Variants in GSDME observed in about 807,000 individuals in gnomAD.
GSDME encodes the protein gasdermin E.
In GSDME, 44 loss-of-function variants were observed where a neutral mutation model predicts 47.5. The observed-to-expected ratio is 0.93, with a 90% CI of 0.73 to 1.19. GSDME has a LOEUF of 1.19. Ranked by LOEUF, GSDME falls within the 50% of genes most tolerant of loss-of-function variation. The pLI, the probability that GSDME is intolerant of heterozygous loss-of-function variation, is 0.00. For missense variants in GSDME, 663 were observed against 604.2 expected (o/e 1.10, Z -1.02); for synonymous variants, 258 against 252.8 (o/e 1.02, Z -0.20).
chr7:24,718,917 C>T (rs527678262), intron 4 of GSDME, 130 bp downstream of exon 4: 20 of 1,037,362 alleles, frequency 1.9e-5, no homozygotes, highest in African/African-American at 1.1e-4. Flanking sequence ...TTTAAGACAA[C>T]GTGAGTTGGG....
the GSDME span, among the ~76,000 whole-genome samples, chr7:24,764,319 T>C: frequency 6.6e-6 from 1 of 152,236 alleles, no homozygotes; most frequent in Non-Finnish European, 1.5e-5. The surrounding 1 kb of genome is among the most constrained non-coding windows in gnomAD (Gnocchi z 4.4). Context: ...TCTGTCACCT[T>C]AGGCACCTGT....
At chr7:24,779,037 A>C in the GSDME span, among the ~76,000 whole-genome samples, 40,432 of 152,060 alleles carry the variant, frequency 0.27, 5,484 homozygotes, top group East Asian at 0.43. This position sits in a 1 kb window ranked among gnomAD's most constrained non-coding sequence, Gnocchi z 6.0. Flanking sequence ...GCCTCAGCTG[A>C]GTGGACTGGA....
chr7:24,731,358 A>G (rs1413369423), intron 3 of GSDME, among the ~76,000 whole-genome samples: 1 of 152,218 alleles, frequency 6.6e-6, no homozygotes, highest in Non-Finnish European at 1.5e-5. Context: ...CACGGGTTGC[A>G]TGCAAGAACC....
In GSDME at chr7:24,716,419, A is replaced by G. The variant is rs1789555312; in HGVS notation, c.697+835T>C. ...CTCAAAGATAGGATGACTCATTTTT[A>G]TAAATATAACTATAATACCATTGTC... On this transcript the variant is annotated intron_variant, in intron 5 of 9. Coordinates refer to ENST00000645220, the MANE Select transcript of GSDME (RefSeq NM_001127453.2). This position sits in a 1 kb window ranked among gnomAD's most constrained non-coding sequence, Gnocchi z 4.5. 1.3e-5 allele frequency: 2 copies of G among 152,272 alleles called. No individual in the cohort carries two copies. The highest frequency in any genetic ancestry group is 2.9e-5 in the Non-Finnish European group (2 of 68,072). The allele number at this position is 152,272 out of a possible 1,614,324, so 9.4% of individuals were successfully genotyped here. A position where few individuals can be genotyped will look rare whatever the true frequency, so the allele number is the denominator to read the frequency against.
chr7:24,710,413 G>C, intron 5 of GSDME, 25 bp from the exon 6 acceptor site: 2 of 1,613,810 alleles, frequency 1.2e-6, no homozygotes, highest in South Asian at 2.2e-5. Flanking sequence ...AAAAGGACAA[G>C]TTAGGTAAAG....
intron 3 of GSDME, among the ~76,000 whole-genome samples, chr7:24,743,164 C>T (rs997636334): frequency 1.3e-5 from 2 of 152,200 alleles, no homozygotes; most frequent in Non-Finnish European, 2.9e-5. Flanking sequence ...CCCAGGCACC[C>T]TCAATGTCTG....
chr7:24,717,924 T>A (rs909413096), intron 4 of GSDME, among the ~76,000 whole-genome samples: 2 of 152,110 alleles, frequency 1.3e-5, no homozygotes, highest in Non-Finnish European at 2.9e-5. Flanking sequence ...CTTTAAACAC[T>A]CTCACAAACA....
chr7:24,705,999 G>T lies in GSDME; in HGVS notation c.1183+185C>A. On this transcript the variant is annotated intron_variant, in intron 8 of 9. Coordinates refer to ENST00000645220, the MANE Select transcript of GSDME (RefSeq NM_001127453.2). The surrounding 1 kb of genome is among the most constrained non-coding windows in gnomAD (Gnocchi z 4.1). Reference sequence around the variant, plus strand: ...GGCTTGTGCTGGATGGAAAGGCACAGACTCGAGACCGAAGGGGGGTTTCCC... The same window carrying T: ...GGCTTGTGCTGGATGGAAAGGCACATACTCGAGACCGAAGGGGGGTTTCCC... The T allele has an allele frequency of 1.4e-6, 1 of 706,730 alleles. No individual in the cohort carries two copies. The highest frequency in any genetic ancestry group is 2.4e-6 in the Non-Finnish European group (1 of 418,796). 43.8% of individuals were successfully genotyped at this position (706,730 alleles called of 1,614,324 possible).
chr7:24,736,422 CAAAG>C lies in GSDME; in HGVS notation c.404+8136_404+8139del, dbSNP rs1178892183. 2.0e-5 allele frequency among the ~76,000 whole-genome samples: 3 copies of C among 151,946 alleles called. No individual in the cohort carries two copies. The highest frequency in any genetic ancestry group is 4.8e-5 in the African/African-American group (2 of 41,364). ...TCAAGACAAAAACTATAAGAAGAGA[CAAAG>C]AAGGTTACTATATAATGATAAAGGG... is the stretch of plus-strand genomic sequence containing the variant. On this transcript the variant is annotated intron_variant, in intron 3 of 9. Coordinates refer to ENST00000645220, the MANE Select transcript of GSDME (RefSeq NM_001127453.2). This position sits in a 1 kb window ranked among gnomAD's most constrained non-coding sequence, Gnocchi z 4.6.
In GSDME at chr7:24,739,104, C is replaced by G. The variant is rs928379860; in HGVS notation, c.404+5458G>C. Among the ~76,000 whole-genome samples the G allele has an allele frequency of 6.6e-6, 1 of 152,068 alleles. No individual in the cohort carries two copies. The highest frequency in any genetic ancestry group is 2.1e-4 in the South Asian group (1 of 4,828). On this transcript the variant is annotated intron_variant, in intron 3 of 9. Coordinates refer to ENST00000645220, the MANE Select transcript of GSDME (RefSeq NM_001127453.2). This position sits in a 1 kb window ranked among gnomAD's most constrained non-coding sequence, Gnocchi z 5.1. Reference sequence around the variant, plus strand: ...TTTCTTGAGTAACATCCCACAGACACGAACCACTAAAGCAAAAATGGACAA... The same window carrying G: ...TTTCTTGAGTAACATCCCACAGACAGGAACCACTAAAGCAAAAATGGACAA...
chr7:24,714,772 C>T lies in GSDME; in HGVS notation c.697+2482G>A, dbSNP rs1048172085. 3.9e-5 allele frequency among the ~76,000 whole-genome samples: 6 copies of T among 152,206 alleles called. No homozygotes were observed. The highest frequency in any genetic ancestry group is 1.4e-4 in the African/African-American group (6 of 41,454). Reference sequence around the variant, plus strand: ...GAGCTGCGTCAGGGCAGGGTCTGGTCACCTCCTGGGACAAACAGGAGGAAG... The same window carrying T: ...GAGCTGCGTCAGGGCAGGGTCTGGTTACCTCCTGGGACAAACAGGAGGAAG... On this transcript the variant is annotated intron_variant, in intron 5 of 9. Coordinates refer to ENST00000645220, the MANE Select transcript of GSDME (RefSeq NM_001127453.2). This position sits in a 1 kb window ranked among gnomAD's most constrained non-coding sequence, Gnocchi z 5.0.
intron 3 of GSDME, among the ~76,000 whole-genome samples, chr7:24,740,669 T>C (rs915058092): frequency 2.6e-5 from 4 of 152,104 alleles, no homozygotes; most frequent in Admixed American, 2.0e-4. Flanking sequence ...TTTACGTAAA[T>C]ATATGTATAT....
chr7:24,743,706 G>A (rs1436715635), intron 3 of GSDME, among the ~76,000 whole-genome samples: 1 of 152,054 alleles, frequency 6.6e-6, no homozygotes, highest in East Asian at 1.9e-4. Context: ...TCTGGCCACT[G>A]CCCACAGCGT....
At chr7:24,764,892 T>A in the GSDME span, among the ~76,000 whole-genome samples, 1 of 152,250 alleles carries the variant, frequency 6.6e-6, no homozygotes, top group African/African-American at 2.4e-5. The surrounding 1 kb of genome is among the most constrained non-coding windows in gnomAD (Gnocchi z 4.4). Context: ...GTTGAGTGCC[T>A]ACTGTGTACC....
chr7:24,704,618 A>C (rs1489954792), intron 8 of GSDME: 1 of 152,192 alleles, frequency 6.6e-6, no homozygotes, highest in Non-Finnish European at 1.5e-5. Context: ...TGCCAGCTGC[A>C]CCTAAAGATT....
the GSDME span, among the ~76,000 whole-genome samples, chr7:24,783,182 C>T: frequency 1.1e-4 from 16 of 152,162 alleles, no homozygotes; most frequent in African/African-American, 3.4e-4. Context: ...CAGTTGAGGC[C>T]TTGCATACCT....
intron 9 of GSDME, 63 bp from the exon 10 acceptor site, chr7:24,699,322 T>C: frequency 8.1e-7 from 1 of 1,242,154 alleles, no homozygotes; most frequent in Non-Finnish European, 1.2e-6. Flanking sequence ...CATTGGATAG[T>C]AATGCACTTG....
In GSDME at chr7:24,726,999, A is replaced by G. The variant is rs1304692039; in HGVS notation, c.405-7781T>C. Among the ~76,000 whole-genome samples the G allele has an allele frequency of 6.6e-6, 1 of 152,198 alleles. No individual in the cohort carries two copies. The highest frequency in any genetic ancestry group is 6.5e-5 in the Admixed American group (1 of 15,284). ...TAGCTCTGGGCAGAAACTCAGGTTCATCTTTATTTTCACCTTGATTAATCC... is the reference window on the plus strand; with the variant it reads ...TAGCTCTGGGCAGAAACTCAGGTTCGTCTTTATTTTCACCTTGATTAATCC... On this transcript the variant is annotated intron_variant, in intron 3 of 9. Coordinates refer to ENST00000645220, the MANE Select transcript of GSDME (RefSeq NM_001127453.2). This position sits in a 1 kb window ranked among gnomAD's most constrained non-coding sequence, Gnocchi z 5.6.
In GSDME at chr7:24,721,444, G is replaced by A. The variant is rs77700964; in HGVS notation, c.405-2226C>T. Among the ~76,000 whole-genome samples the A allele has an allele frequency of 3.5e-3, 528 of 152,328 alleles. 6 individuals carry two copies. Among genetic ancestry groups the A allele is most frequent in the East Asian group, 0.014 (74 of 5,186 alleles). ...CCTGGAGCCTGCAGGGCTGGGGTTC[G>A]GATCTCAGCTCTGCCCTCCCACTGG... On this transcript the variant is annotated intron_variant, in intron 3 of 9. Transcript: ENST00000645220. This position sits in a 1 kb window ranked among gnomAD's most constrained non-coding sequence, Gnocchi z 4.1.
Sources: allele counts gnomAD v4.1 joint callset (sites outside exome capture counted in the v4.1 genomes callset), GRCh38; gene constraint gnomAD v4.1.1; non-coding constraint Gnocchi (gnomAD v3.1); transcripts MANE v1.5; gene names NCBI Gene and HGNC (gene_info 2026-07-23, HGNC 2026-07-21).